NRK: variants seen among roughly 807,000 people sequenced by gnomAD.
The protein encoded by NRK is nik-related protein kinase.
A neutral mutation model predicts 125.2 loss-of-function variants in NRK; 67 were observed. The observed-to-expected ratio is 0.54, with a 90% CI of 0.44 to 0.66. The LOEUF is 0.66. Among genes scored for constraint, NRK ranks in the 30% least tolerant of loss-of-function variants. NRK has a pLI of 0.00. For missense variants in NRK, 1,224 were observed against 1,192.9 expected (o/e 1.03, Z -0.38); for synonymous variants, 458 against 429.0 (o/e 1.07, Z -0.84).
Position 105,944,003 on chromosome X carries a change from T to G in NRK, c.4021T>G (p.Trp1341Gly). ...ALKSSIHLYA[W>G]APKSFDESTA... ...GAAATCATCAATTCACCTTTATGCA[T>G]GGGCACCAAAGTCCTTTGATGAAAG... The change falls in exon 24 of 29, where the codon TGG becomes GGG. Residue 1341 changes from tryptophan (W) to glycine (G), a missense_variant. Physicochemically the swap from Trp to Gly is radical, Grantham distance 184. Transcript: ENST00000243300. 8.5e-7 allele frequency: 1 copy of G among 1,172,152 alleles called. No homozygotes were observed. Among genetic ancestry groups the G allele is most frequent in the Non-Finnish European group, 1.2e-6 (1 of 863,782 alleles).
At chrX:105,941,079 C>T (rs1303197319) in intron 23 of NRK, among the ~76,000 whole-genome samples, 6 of 111,847 alleles carry the variant, frequency 5.4e-5, no homozygotes, top group Admixed American at 9.5e-5. Context: ...GATAGTCCTA[C>T]AGGTGAAAGA....
rs1301265702 is a variant in NRK at position 105,935,465 on chromosome X, T to C, written c.3655+140T>C. On this transcript the variant is annotated intron_variant, in intron 21 of 28. Transcript: ENST00000243300. ...TAGTAGTTAATTTGCTCAGAATTGG[T>C]TTTGCTGATTTTTTTTTTCACTCAG... 1.4e-5 allele frequency: 6 copies of C among 440,196 alleles called. No homozygotes were observed. In the Admixed American group the frequency reaches 2.9e-4, roughly 21 times the overall value. 36.3% of individuals were successfully genotyped at this position (440,196 alleles called of 1,213,427 possible).
intron 2 of NRK, among the ~76,000 whole-genome samples, chrX:105,856,200 A>G (rs1050318451): frequency 2.7e-5 from 3 of 112,075 alleles, no homozygotes; most frequent in African/African-American, 9.7e-5. Flanking sequence ...TGTACCTAAC[A>G]AAGAACTCTC....
intron 23 of NRK, among the ~76,000 whole-genome samples, chrX:105,941,843 C>T (rs1203578147): frequency 9.0e-6 from 1 of 110,768 alleles, no homozygotes; most frequent in East Asian, 2.8e-4. Flanking sequence ...ATGTGACAAT[C>T]GCCATGATCT....
intron 8 of NRK, among the ~76,000 whole-genome samples, chrX:105,899,619 G>A (rs1046560876): frequency 9.0e-6 from 1 of 111,500 alleles, no homozygotes; most frequent in African/African-American, 3.3e-5. Flanking sequence ...ACCTGTATTC[G>A]TTATTTATTT....
intron 9 of NRK, among the ~76,000 whole-genome samples, chrX:105,904,631 T>C (rs1057426971): frequency 8.9e-6 from 1 of 111,981 alleles, no homozygotes; most frequent in African/African-American, 3.2e-5. Context: ...TTGAAGGGAT[T>C]CCTCCTGCTA....
chrX:105,910,164 ATTAAAAATTACTATTTTGGATCT>A (rs1453610916), intron 13 of NRK, among the ~76,000 whole-genome samples: 2 of 112,113 alleles, frequency 1.8e-5, no homozygotes, highest in Non-Finnish European at 3.8e-5. Flanking sequence ...ACGAATGCAC[ATTAAAAATTACTATTTTGGATCT>A]TTAAAAATTA....
At chrX:105,850,874 C>CT (rs1302111182) in intron 2 of NRK, among the ~76,000 whole-genome samples, 6 of 112,259 alleles carry the variant, frequency 5.3e-5, no homozygotes, top group African/African-American at 1.9e-4. Context: ...ATTTTCCTGT[C>CT]TTTTTCTGAG....
At position 105,909,774 on chromosome X, in the gene NRK, A is replaced by G; in HGVS notation, c.2133A>G (p.Arg711=). ...PKRFRAKSSW[R]PEKLELSDLE... ...GGTTCAGGGCAAAGTCATCATGGAG[A>G]CCTGAAAAGCTTGAACTCTCGGATT... Residue 711 remains arginine, a synonymous_variant, in exon 13 of 29, where the codon AGA becomes AGG. Transcript: ENST00000243300. 8.5e-7 allele frequency: 1 copy of G among 1,183,317 alleles called. No individual in the cohort carries two copies. Among genetic ancestry groups the G allele is most frequent in the Non-Finnish European group, 1.1e-6 (1 of 880,650 alleles).
chrX:105,846,250 T>C (rs1602603069), intron 2 of NRK, among the ~76,000 whole-genome samples: 2 of 111,806 alleles, frequency 1.8e-5, no homozygotes, highest in South Asian at 7.5e-4. Context: ...GTTTGTGTCA[T>C]TTAGAGCCCC....
chrX:105,900,799 G>T, intron 9 of NRK, 127 bp downstream of exon 9: 2 of 426,737 alleles, frequency 4.7e-6, no homozygotes, highest in Non-Finnish European at 8.1e-6. Context: ...GGCCACACAG[G>T]TGTCATACTA....
chrX:105,859,983 C>G (rs2039580945), intron 2 of NRK, among the ~76,000 whole-genome samples: 1 of 112,045 alleles, frequency 8.9e-6, no homozygotes, highest in Admixed American at 9.5e-5. Context: ...GTTTTTGAAG[C>G]TCTCACCCAG....
At chrX:105,861,778 G>T (rs949923564) in intron 2 of NRK, among the ~76,000 whole-genome samples, 1 of 111,989 alleles carries the variant, frequency 8.9e-6, no homozygotes, top group East Asian at 2.8e-4. Flanking sequence ...TTGAATTTCA[G>T]CTGGGCACGG....
intron 20 of NRK, 64 bp from the exon 21 acceptor site, chrX:105,935,106 C>T: frequency 3.2e-6 from 3 of 943,256 alleles, no homozygotes; most frequent in East Asian, 6.2e-5. Context: ...AAAAAAAATT[C>T]TGTAACTCCA....
intron 13 of NRK, among the ~76,000 whole-genome samples, chrX:105,910,141 CA>C (rs933686438): frequency 9.0e-6 from 1 of 111,521 alleles, no homozygotes; most frequent in African/African-American, 3.3e-5. Flanking sequence ...ATTCTTTAAC[CA>C]ATAAAGTGTC....
At chrX:105,900,540 C>A in intron 8 of NRK, 78 bp from the exon 9 acceptor site, 1 of 644,891 alleles carries the variant, frequency 1.6e-6, no homozygotes, top group Non-Finnish European at 2.5e-6. Context: ...ACACCCCCAG[C>A]TAAACATTGT....
chrX:105,907,734 G>A (rs759206339), intron 11 of NRK: 1 of 112,228 alleles, frequency 8.9e-6, no homozygotes, highest in East Asian at 2.8e-4. Context: ...TAAAACTCTT[G>A]TTTGTAATCT....
At chrX:105,848,427 G>T (rs184972359) in intron 2 of NRK, among the ~76,000 whole-genome samples, 132 of 111,764 alleles carry the variant, frequency 1.2e-3, no homozygotes, top group African/African-American at 4.2e-3. Context: ...TCTCACATAA[G>T]ATTGTGAATA....
At chrX:105,860,122 A>G (rs768507993) in intron 2 of NRK, among the ~76,000 whole-genome samples, 91 of 111,293 alleles carry the variant, frequency 8.2e-4, no homozygotes, top group Non-Finnish European at 1.6e-3. Flanking sequence ...CTGTGAGGGA[A>G]GGTATCATTA....
Sources: allele counts gnomAD v4.1 joint callset (sites outside exome capture counted in the v4.1 genomes callset), GRCh38; gene constraint gnomAD v4.1.1; transcripts MANE v1.5; gene names NCBI Gene and HGNC (gene_info 2026-07-23, HGNC 2026-07-21).